Variants in ADA observed in about 807,000 individuals in gnomAD.
The protein encoded by ADA is adenosine deaminase, also known as adenosine aminohydrolase.
ADA carries 45 observed loss-of-function variants against 49.0 expected under a neutral mutation model. That is an observed-to-expected ratio of 0.92 (90% CI 0.72 to 1.18). ADA has a LOEUF of 1.18. ADA is among the 50% of genes most tolerant of loss of function. The probability of loss-of-function intolerance (pLI) is 0.00; values close to 1 mark genes in which losing one functional copy is unlikely to be tolerated. For synonymous variants in ADA, 173 were observed against 184.2 expected (o/e 0.94, Z 0.49); for missense variants, 445 against 472.5 (o/e 0.94, Z 0.54).
intron 1 of ADA, among the ~76,000 whole-genome samples, chr20:44,643,422 AAATAAT>A (rs932774872): frequency 2.0e-5 from 3 of 152,192 alleles, no homozygotes; most frequent in African/African-American, 4.8e-5. Flanking sequence ...AATAATACAG[AAATAAT>A]AATAATGATA....
intron 1 of ADA, among the ~76,000 whole-genome samples, chr20:44,649,189 G>A (rs2065619609): frequency 6.6e-6 from 1 of 152,072 alleles, no homozygotes; most frequent in Admixed American, 6.5e-5. Flanking sequence ...AAAAAATGCA[G>A]ATAATGTGTT....
intron 3 of ADA, among the ~76,000 whole-genome samples, chr20:44,627,103 C>T (rs2065389954): frequency 6.6e-6 from 1 of 152,154 alleles, no homozygotes; most frequent in East Asian, 1.9e-4. Flanking sequence ...TACTGTCCTA[C>T]ACTGCGTCTC....
chr20:44,626,526 C>A lies in ADA; in HGVS notation c.292G>T (p.Val98Leu). ...EMKAKEGVVY[V>L]EVRYSPHLLA... Reference sequence around the variant, plus strand: ...AGGTGCGGACTGTACCGCACCTCCACATACACCACGCCCTCTTTGGCCTTC... The same window carrying A: ...AGGTGCGGACTGTACCGCACCTCCAAATACACCACGCCCTCTTTGGCCTTC... Residue 98 changes from valine (V) to leucine (L), a missense_variant, in exon 4 of 12, where the codon GTG becomes TTG. Coordinates refer to ENST00000372874, the MANE Select transcript of ADA (RefSeq NM_000022.4). 6.2e-7 allele frequency: 1 copy of A among 1,614,206 alleles called. No homozygotes were observed. Among genetic ancestry groups the A allele is most frequent in the Non-Finnish European group, 8.5e-7 (1 of 1,180,032 alleles).
At chr20:44,626,906 G>T (rs761439889) in intron 3 of ADA, among the ~76,000 whole-genome samples, 1 of 152,098 alleles carries the variant, frequency 6.6e-6, no homozygotes, top group Admixed American at 6.5e-5. Flanking sequence ...TTTTAAGAAG[G>T]TAAATCAAAG....
chr20:44,621,541 C>T (rs928506147), intron 9 of ADA, among the ~76,000 whole-genome samples: 4 of 152,154 alleles, frequency 2.6e-5, no homozygotes, highest in Admixed American at 6.6e-5. Flanking sequence ...GCTGGCTACT[C>T]CAACATACCA....
chr20:44,630,357 GA>G (rs957157795), intron 2 of ADA, among the ~76,000 whole-genome samples: 6 of 137,398 alleles, frequency 4.4e-5, no homozygotes, highest in African/African-American at 8.0e-5. Flanking sequence ...AAAAAAAAAA[GA>G]AAAAAAAAAG....
At position 44,651,652 on chromosome 20, in the gene ADA, G is replaced by GT. The variant is rs1408206023; in HGVS notation, c.-46dup. 2.2e-5 allele frequency: 33 copies of GT among 1,496,522 alleles called. No homozygotes were observed. Among genetic ancestry groups the GT allele is most frequent in the Non-Finnish European group, 2.6e-5 (29 of 1,129,816 alleles). The allele number at this position is 1,496,522 out of a possible 1,614,324, so 92.7% of individuals were successfully genotyped here. ...GCGCTGCTCCCTCCGCCGCCGCTCG[G>GT]TGGGTCTCTGCCGGCTCGGTGGCCG... On this transcript the variant is annotated 5_prime_UTR_variant, in exon 1 of 12. Transcript: ENST00000372874.
intron 3 of ADA, among the ~76,000 whole-genome samples, chr20:44,627,165 C>T (rs945826790): frequency 1.3e-5 from 2 of 151,744 alleles, no homozygotes; most frequent in Non-Finnish European, 2.9e-5. Flanking sequence ...TCAGAGAGGC[C>T]TTCCCTGACC....
intron 9 of ADA, 151 bp downstream of exon 9, chr20:44,622,437 A>G: frequency 3.2e-6 from 3 of 947,530 alleles, no homozygotes; most frequent in Non-Finnish European, 5.0e-6. Flanking sequence ...CCTCATTTGT[A>G]AGATGAGGAC....
In ADA at chr20:44,624,335, G is replaced by A; in HGVS notation, c.479-6C>T. Reference sequence around the variant, plus strand: ...CACCACCTTGGGGGACCAGTCTGTGGGCGAGATGCCCACCCAGGCTCTGTC... The same window carrying A: ...CACCACCTTGGGGGACCAGTCTGTGAGCGAGATGCCCACCCAGGCTCTGTC... On this transcript the variant is annotated splice_region_variant and splice_polypyrimidine_tract_variant and intron_variant, in intron 5 of 11. Coordinates refer to ENST00000372874, the MANE Select transcript of ADA (RefSeq NM_000022.4). 6.2e-7 allele frequency: 1 copy of A among 1,612,894 alleles called. No individual in the cohort carries two copies. Among genetic ancestry groups the A allele is most frequent in the Non-Finnish European group, 8.5e-7 (1 of 1,179,712 alleles).
chr20:44,633,479 T>C (rs2065451701), intron 2 of ADA, among the ~76,000 whole-genome samples: 1 of 152,184 alleles, frequency 6.6e-6, no homozygotes. Context: ...TTGCAGAACT[T>C]TAAGGCCCAT....
At chr20:44,631,593 C>A (rs952401673) in intron 2 of ADA, among the ~76,000 whole-genome samples, 15 of 152,180 alleles carry the variant, frequency 9.9e-5, no homozygotes, top group Non-Finnish European at 1.9e-4. Flanking sequence ...TTGCCTGGGA[C>A]CTGCTGCGCC....
Position 44,619,686 on chromosome 20 carries a change from G to A in ADA, c.*148C>T. ...CGCGGCCATGCCGAGGTATACGTGT[G>A]TGCAGAAATGGACACATAGGGTTCA... On this transcript the variant is annotated 3_prime_UTR_variant, in exon 12 of 12. Transcript: ENST00000372874. The A allele has an allele frequency of 9.4e-7, 1 of 1,063,188 alleles. No homozygotes were observed. Among genetic ancestry groups the A allele is most frequent in the Non-Finnish European group, 1.4e-6 (1 of 692,722 alleles). The allele number at this position is 1,063,188 out of a possible 1,614,324, so 65.9% of individuals were successfully genotyped here. A position where few individuals can be genotyped will look rare whatever the true frequency, so the allele number is the denominator to read the frequency against.
chr20:44,619,922 C>A, intron 11 of ADA, 75 bp from the exon 12 acceptor site: 1 of 1,585,378 alleles, frequency 6.3e-7, no homozygotes. Flanking sequence ...TCATAGAACA[C>A]CAGAACCAGA....
At chr20:44,634,102 C>G (rs1357300715) in intron 2 of ADA, among the ~76,000 whole-genome samples, 1 of 152,210 alleles carries the variant, frequency 6.6e-6, no homozygotes, top group African/African-American at 2.4e-5. Flanking sequence ...CTCCTTTCCC[C>G]TTTCTCTTAG....
At chr20:44,624,045 C>G in intron 6 of ADA, 157 bp downstream of exon 6, 1 of 1,089,234 alleles carries the variant, frequency 9.2e-7, no homozygotes, top group Non-Finnish European at 1.3e-6. Context: ...CACGCCTGGC[C>G]CAGGGGGATT....
intron 1 of ADA, among the ~76,000 whole-genome samples, chr20:44,649,630 A>G (rs2065623199): frequency 6.6e-6 from 1 of 150,756 alleles, no homozygotes; most frequent in African/African-American, 2.5e-5. Context: ...GGGCTGTTAC[A>G]GAAGAACTGC....
intron 1 of ADA, among the ~76,000 whole-genome samples, chr20:44,638,624 T>G (rs446125): frequency 0.65 from 99,265 of 152,092 alleles, 35,145 homozygotes; most frequent in Non-Finnish European, 0.79. Flanking sequence ...AGGCCTGCGC[T>G]CCTGCTGGAT....
chr20:44,619,696 G>C lies in ADA; in HGVS notation c.*138C>G. On this transcript the variant is annotated 3_prime_UTR_variant, in exon 12 of 12. Transcript: ENST00000372874. The stretch of plus-strand genomic sequence containing the variant: ...CCGAGGTATACGTGTGTGCAGAAAT[G>C]GACACATAGGGTTCAGGAGCATCAG... The C allele has an allele frequency of 8.6e-7, 1 of 1,161,024 alleles. No homozygotes were observed. Among genetic ancestry groups the C allele is most frequent in the East Asian group, 2.4e-5 (1 of 41,432 alleles). 71.9% of individuals were successfully genotyped at this position (1,161,024 alleles called of 1,614,324 possible).
Sources: allele counts gnomAD v4.1 joint callset (sites outside exome capture counted in the v4.1 genomes callset), GRCh38; gene constraint gnomAD v4.1.1; transcripts MANE v1.5; gene names NCBI Gene and HGNC (gene_info 2026-07-23, HGNC 2026-07-21).